NCAPG: variants seen among roughly 807,000 people sequenced by gnomAD.
NCAPG encodes the protein condensin complex subunit 3.
NCAPG carries 69 observed loss-of-function variants against 113.1 expected under a neutral mutation model. That is an observed-to-expected ratio of 0.61 (90% confidence interval 0.50 to 0.75). The LOEUF (loss-of-function observed/expected upper bound fraction) is 0.75, where lower values mean the gene tolerates loss of function less well. Ranked by LOEUF, NCAPG falls within the 30% of genes least tolerant of loss-of-function variation. The pLI, the probability that NCAPG is intolerant of heterozygous loss-of-function variation, is 0.00. For synonymous variants in NCAPG, 370 were observed against 415.8 expected, an observed-to-expected ratio of 0.89 and a Z score of 1.34; for missense variants, 1,058 against 1,177.0, an observed-to-expected ratio of 0.90 and a Z score of 1.48.
chr4:17,834,349 C>A lies in NCAPG; in HGVS notation c.1935C>A (p.Ile645=), dbSNP rs1275510197. The A allele has an allele frequency of 6.2e-7, 1 of 1,606,390 alleles. No homozygotes were observed. Among genetic ancestry groups the A allele is most frequent in the Non-Finnish European group, 8.5e-7 (1 of 1,176,252 alleles). ...VTIKISALKA[I]FDQLMTFGIE... The stretch of plus-strand genomic sequence containing the variant: ...TAAAAATAAGTGCTTTAAAGGCAAT[C>A]TTTGACCAACTGATGACGTTCGGGA... The change falls in exon 14 of 21, where the codon ATC becomes ATA. Residue 645 remains isoleucine (I), a synonymous_variant. Transcript: ENST00000251496.
At position 17,814,004 on chromosome 4, in the gene NCAPG, T is replaced by A. The variant is rs374827415; in HGVS notation, c.545-849T>A. Among the ~76,000 whole-genome samples the A allele has an allele frequency of 3.9e-5, 6 of 152,248 alleles. No individual in the cohort carries two copies. The East Asian group carries it at 1.2e-3, about 29-fold the overall frequency. On this transcript the variant is annotated intron_variant, in intron 3 of 20. Transcript: ENST00000251496. Reference sequence around the variant, plus strand: ...TATTTGATAGTCAACCTGTACTTAATAATTGAGGTAGGAAAGATGTGAGAA... The same window carrying A: ...TATTTGATAGTCAACCTGTACTTAAAAATTGAGGTAGGAAAGATGTGAGAA...
At position 17,837,274 on chromosome 4, in the gene NCAPG, C is replaced by T; in HGVS notation, c.2225C>T (p.Thr742Ile). ...RLILLWYNPV[T>I]EEDVQLRHCL... is the part of the protein sequence containing the mutation. Reference sequence around the variant, plus strand: ...ATTTTGTTATGGTACAATCCTGTGACTGAAGAGGATGTTCAACTTCGACAT... The same window carrying T: ...ATTTTGTTATGGTACAATCCTGTGATTGAAGAGGATGTTCAACTTCGACAT... Residue 742 changes from threonine (T) to isoleucine (I), a missense_variant, in exon 15 of 21, where the codon ACT (threonine) becomes ATT (isoleucine). Thr to Ile is a moderately conservative substitution (Grantham distance 89). Coordinates refer to ENST00000251496, the MANE Select transcript of NCAPG (RefSeq NM_022346.5). 6.2e-7 allele frequency: 1 copy of T among 1,614,000 alleles called. No individual in the cohort carries two copies. The highest frequency in any genetic ancestry group is 1.1e-5 in the South Asian group (1 of 91,066).
chr4:17,830,969 C>T (rs1721845235), intron 12 of NCAPG, 28 bp from the exon 13 acceptor site: 1 of 1,599,058 alleles, frequency 6.3e-7, no homozygotes, highest in Admixed American at 1.7e-5. Flanking sequence ...TCTATGAAAT[C>T]ATATGGAAAA....
Position 17,814,863 on chromosome 4 carries a change from T to C in NCAPG, c.555T>C (p.Thr185=), listed in dbSNP as rs757596676. 1 of 1,614,124 alleles carries C rather than the reference T, an allele frequency of 6.2e-7. No individual in the cohort carries two copies. Residue 185 remains threonine (T), a synonymous_variant, in exon 4 of 21, where the codon ACT becomes ACC. Coordinates refer to ENST00000251496, the MANE Select transcript of NCAPG (RefSeq NM_022346.5). The stretch of plus-strand genomic sequence containing the variant: ...TTGCTTTATTTTTAGCATATGCTAC[T>C]TTGATTGAAAATGATTCAAATCCAG... ...DECPVVNAYA[T]LIENDSNPEV...
At chr4:17,825,708 C>A in intron 11 of NCAPG, 147 bp downstream of exon 11, 1 of 650,940 alleles carries the variant, frequency 1.5e-6, no homozygotes, top group Non-Finnish European at 2.4e-6. Context: ...AAAAGTTTTT[C>A]CCTGTTTCTA....
intron 14 of NCAPG, among the ~76,000 whole-genome samples, chr4:17,834,924 A>T (rs1274417329): frequency 1.3e-5 from 2 of 152,256 alleles, no homozygotes; most frequent in African/African-American, 4.8e-5. Flanking sequence ...ATGCAAAGAA[A>T]TGAAGTATAA....
intron 14 of NCAPG, among the ~76,000 whole-genome samples, chr4:17,834,961 TGTTA>T (rs1320655671): frequency 1.3e-5 from 2 of 152,162 alleles, no homozygotes; most frequent in Admixed American, 1.3e-4. Context: ...TAAAGTGGGT[TGTTA>T]TTTTTTATTT....
chr4:17,842,587 C>T, intron 20 of NCAPG: 1 of 521,134 alleles, frequency 1.9e-6, no homozygotes, highest in South Asian at 2.3e-5. Flanking sequence ...TATTAGCTGG[C>T]ATGGTCTTTA....
chr4:17,814,706 A>G, intron 3 of NCAPG, 147 bp from the exon 4 acceptor site: 2 of 878,228 alleles, frequency 2.3e-6, no homozygotes, highest in Non-Finnish European at 3.4e-6. Context: ...TTGGCCTCCC[A>G]AAGTGCTGGT....
Position 17,812,402 on chromosome 4 carries a change from A to T in NCAPG, c.293A>T (p.Tyr98Phe). The T allele has an allele frequency of 6.2e-7, 1 of 1,613,458 alleles. No homozygotes were observed. The highest frequency in any genetic ancestry group is 8.5e-7 in the Non-Finnish European group (1 of 1,179,606). ...EEEEDGGLLN[Y>F]LFTFLLKSHE... ...GAGGAAGATGGTGGCCTTTTAAATT[A>T]TTTGTTTACTTTTCTCTTAAAGGTA... Residue 98 changes from tyrosine to phenylalanine, a missense_variant, in exon 2 of 21, where the codon TAT becomes TTT. Coordinates refer to ENST00000251496, the MANE Select transcript of NCAPG (RefSeq NM_022346.5).
intron 12 of NCAPG, among the ~76,000 whole-genome samples, chr4:17,829,635 AAG>A (rs1359456975): frequency 6.6e-6 from 1 of 152,240 alleles, no homozygotes; most frequent in Non-Finnish European, 1.5e-5. Flanking sequence ...TAAAGATTGA[AAG>A]AGATTAGTAG....
chr4:17,821,575 T>C (rs764766949), intron 7 of NCAPG, among the ~76,000 whole-genome samples: 7 of 151,008 alleles, frequency 4.6e-5, no homozygotes, highest in Non-Finnish European at 1.0e-4. Context: ...GCAATTCTCC[T>C]GCCTCAGCCT....
At position 17,831,254 on chromosome 4, in the gene NCAPG, TTA is replaced by T. The variant is rs1381933361; in HGVS notation, c.1884+140_1884+141del. The T allele has an allele frequency of 2.6e-5, 26 of 990,656 alleles. No individual in the cohort carries two copies. The East Asian group carries it at 5.4e-4, about 21-fold the overall frequency. 61.4% of individuals were successfully genotyped at this position (990,656 alleles called of 1,614,324 possible). On this transcript the variant is annotated intron_variant, in intron 13 of 20. Coordinates refer to ENST00000251496, the MANE Select transcript of NCAPG (RefSeq NM_022346.5). ...GATAATCTTTGGAGACACAATACTT[TTA>T]TCTTTTGATTTCTTATTAAAATGTC...
Position 17,828,292 on chromosome 4 carries a change from A to G in NCAPG, c.1668A>G (p.Thr556=). ...EVHIEKNDAE[T]LQKCLILCYE... ...CTTCATTTTAGAATGATGCTGAAAC[A>G]TTGCAGAAATGTCTTATTTTATGCT... Residue 556 remains threonine (T), a synonymous_variant, in exon 12 of 21, where the codon ACA becomes ACG. Coordinates refer to ENST00000251496, the MANE Select transcript of NCAPG (RefSeq NM_022346.5). 1 of 1,608,948 alleles carries G rather than the reference A, an allele frequency of 6.2e-7. No individual in the cohort carries two copies. Among genetic ancestry groups the G allele is most frequent in the Non-Finnish European group, 8.5e-7 (1 of 1,177,260 alleles).
chr4:17,817,831 A>T (rs1721276757), intron 6 of NCAPG, 108 bp from the exon 7 acceptor site: 2 of 1,083,660 alleles, frequency 1.8e-6, no homozygotes, highest in Non-Finnish European at 2.5e-6. Context: ...AATTAAAAGG[A>T]TAGTGTAGTG....
intron 7 of NCAPG, 112 bp from the exon 8 acceptor site, chr4:17,822,871 G>C (rs931151004): frequency 1.2e-5 from 9 of 730,064 alleles, no homozygotes; most frequent in African/African-American, 1.9e-5. Context: ...GCATAGATAT[G>C]TATTTAGACG....
chr4:17,822,991 A>G lies in NCAPG; in HGVS notation c.1127A>G (p.Gln376Arg). ...VYADYLLSYIQSIPVVNEEHR... is the reference protein window; with the variant it reads ...VYADYLLSYIRSIPVVNEEHR... ...AATTCTGCTTGTTTTAGTTACATCC[A>G]GAGCATTCCAGTTGTTAATGAAGAA... The change falls in exon 8 of 21, where the codon CAG becomes CGG. Residue 376 changes from glutamine to arginine, a missense_variant. Gln to Arg is a conservative substitution (Grantham distance 43, BLOSUM62 1). Transcript: ENST00000251496. 1.3e-6 allele frequency: 2 copies of G among 1,597,998 alleles called. No individual in the cohort carries two copies. Among genetic ancestry groups the G allele is most frequent in the Non-Finnish European group, 1.7e-6 (2 of 1,174,986 alleles).
In NCAPG at chr4:17,810,995, C is replaced by A; in HGVS notation, c.-83C>A. On this transcript the variant is annotated 5_prime_UTR_variant, in exon 1 of 21. Transcript: ENST00000251496. The stretch of plus-strand genomic sequence containing the variant: ...CCTGGGGCTGTCATAGAAGACTACT[C>A]GGAGAGCGCTGCCTCTGGGTTGGCG... The A allele has an allele frequency of 1.3e-6, 1 of 774,232 alleles. No individual in the cohort carries two copies. The highest frequency in any genetic ancestry group is 2.0e-6 in the Non-Finnish European group (1 of 506,522). The allele number at this position is 774,232 out of a possible 1,614,324, so 48.0% of individuals were successfully genotyped here. A position where few individuals can be genotyped will look rare whatever the true frequency, so the allele number is the denominator to read the frequency against.
chr4:17,833,316 A>C (rs1721947236), intron 13 of NCAPG, among the ~76,000 whole-genome samples: 1 of 151,988 alleles, frequency 6.6e-6, no homozygotes, highest in Admixed American at 6.6e-5. Flanking sequence ...AAAATTAACC[A>C]GGCGTGGTGG....
Sources: gnomAD v4.1 joint callset for allele counts (sites outside exome capture counted in the v4.1 genomes callset) on GRCh38, gnomAD v4.1.1 for gene constraint, MANE v1.5 for transcripts, NCBI Gene and HGNC (gene_info 2026-07-23, HGNC 2026-07-21) for gene names.